LRBA: variants seen among roughly 807,000 people sequenced by gnomAD.
The protein encoded by LRBA is lipopolysaccharide-responsive and beige-like anchor protein.
Under a neutral mutation model 330.0 loss-of-function variants are expected in LRBA, and 176 were observed. The ratio of observed to expected loss-of-function variants is 0.53; its 90% CI spans 0.47 to 0.60. The LOEUF is 0.60. Ranked by LOEUF, LRBA falls within the 20% of genes least tolerant of loss-of-function variation. LRBA has a pLI of 0.00. For missense variants in LRBA, 3,259 were observed against 3,444.8 expected (o/e 0.95, Z 1.35); for synonymous variants, 1,230 against 1,193.0 (o/e 1.03, Z -0.64).
intron 48 of LRBA, among the ~76,000 whole-genome samples, chr4:150,344,441 T>C (rs1736002827): frequency 6.6e-6 from 1 of 152,246 alleles, no homozygotes; most frequent in African/African-American, 2.4e-5. Context: ...CTTAGAAAAA[T>C]CCAGTCAGTA....
chr4:150,393,276 A>G (rs1048313720), intron 47 of LRBA, among the ~76,000 whole-genome samples: 2 of 151,938 alleles, frequency 1.3e-5, no homozygotes, highest in Non-Finnish European at 2.9e-5. Flanking sequence ...GCCCCAATAC[A>G]TATTTGCTGA....
In LRBA at chr4:150,831,739, A is replaced by G. The variant is rs549584091; in HGVS notation, c.4729+78T>C. The G allele has an allele frequency of 7.3e-5, 82 of 1,117,680 alleles. 1 individual carries two copies. In the South Asian group the frequency reaches 1.4e-3, roughly 19 times the overall value. 69.2% of individuals were successfully genotyped at this position (1,117,680 alleles called of 1,614,324 possible). ...TGCACAGAAATGGATTTAAATTCCA[A>G]TATCAATATTTTAACCATCAAAAGT... On this transcript the variant is annotated intron_variant, in intron 29 of 56. Coordinates refer to ENST00000651943, the MANE Select transcript of LRBA (RefSeq NM_001364905.1).
Position 150,414,653 on chromosome 4 carries a change from G to T in LRBA, c.7194+785C>A, listed in dbSNP as rs942338405. On this transcript the variant is annotated intron_variant, in intron 47 of 56. Transcript: ENST00000651943. ...TTACAGGCGCCTGCCACCACATCCG[G>T]CTAATTTTTGTATTTTTAATAGCAG... Among the ~76,000 whole-genome samples, 11 of 152,002 alleles carry T rather than the reference G, an allele frequency of 7.2e-5. No individual in the cohort carries two copies. The East Asian group carries it at 1.9e-3, about 27-fold the overall frequency.
At chr4:150,740,101 G>A (rs1033456249) in intron 35 of LRBA, among the ~76,000 whole-genome samples, 3 of 151,892 alleles carry the variant, frequency 2.0e-5, no homozygotes, top group Non-Finnish European at 4.4e-5. Flanking sequence ...TGAAAAAAAC[G>A]CACACATAAA....
chr4:151,001,563 C>A (rs1444654800), intron 2 of LRBA, among the ~76,000 whole-genome samples: 5 of 152,126 alleles, frequency 3.3e-5, no homozygotes, highest in African/African-American at 1.2e-4. Flanking sequence ...GCCGCTACCA[C>A]CACAGCTGGC....
chr4:150,438,782 T>C (rs1487592690), intron 44 of LRBA, among the ~76,000 whole-genome samples: 1 of 151,188 alleles, frequency 6.6e-6, no homozygotes, highest in Non-Finnish European at 1.5e-5. Flanking sequence ...TGGTTATCCT[T>C]ATTAAATTGT....
At chr4:150,917,016 G>A (rs944448081) in intron 5 of LRBA, among the ~76,000 whole-genome samples, 4 of 152,004 alleles carry the variant, frequency 2.6e-5, no homozygotes, top group Non-Finnish European at 4.4e-5. Flanking sequence ...AGCCGGGTAC[G>A]GTGGTGGGTG....
chr4:150,889,740 A>G (rs945890254), intron 17 of LRBA, among the ~76,000 whole-genome samples: 1 of 152,098 alleles, frequency 6.6e-6, no homozygotes, highest in African/African-American at 2.4e-5. Context: ...AAGGCTGGGG[A>G]CCTCTGTTTT....
intron 36 of LRBA, among the ~76,000 whole-genome samples, chr4:150,734,811 C>T (rs972668869): frequency 2.0e-5 from 3 of 152,162 alleles, no homozygotes; most frequent in Non-Finnish European, 1.5e-5. Context: ...AATACTGTTA[C>T]GCTCTCAAAC....
At chr4:150,369,544 A>C (rs528511494) in intron 47 of LRBA, among the ~76,000 whole-genome samples, 75 of 151,918 alleles carry the variant, frequency 4.9e-4, no homozygotes, top group African/African-American at 1.8e-3. Context: ...AAAAAAATAT[A>C]CTTTTTTTTT....
rs538715661 is a variant in LRBA at position 150,955,618 on chromosome 4, G to A, written c.217-26553C>T. ...ATAATAATAATGACGTAGGCCGGGC[G>A]CCGTGGCTCACACCTGTAATCCCAG... On this transcript the variant is annotated intron_variant, in intron 2 of 56. Coordinates refer to ENST00000651943, the MANE Select transcript of LRBA (RefSeq NM_001364905.1). 5.4e-5 allele frequency among the ~76,000 whole-genome samples: 8 copies of A among 147,516 alleles called. No homozygotes were observed. The South Asian group carries it at 6.3e-4, about 12-fold the overall frequency.
At chr4:150,930,675 T>C (rs1304935622) in intron 2 of LRBA, among the ~76,000 whole-genome samples, 2 of 152,128 alleles carry the variant, frequency 1.3e-5, no homozygotes, top group Non-Finnish European at 2.9e-5. Context: ...GGCATGAGAC[T>C]GAAAAAAATG....
rs200816204 is a variant in LRBA, at chr4:150,315,645, G to T, written c.7631-22C>A. 4.9e-4 allele frequency: 744 copies of T among 1,510,772 alleles called. 1 individual carries two copies. The highest frequency in any genetic ancestry group is 6.1e-4 in the Non-Finnish European group (680 of 1,119,324). 93.6% of individuals were successfully genotyped at this position (1,510,772 alleles called of 1,614,324 possible). A position where few individuals can be genotyped will look rare whatever the true frequency, so the allele number is the denominator to read the frequency against. The stretch of plus-strand genomic sequence containing the variant: ...TGAGCTGGAATTCACAAAAGATAAA[G>T]AAAAAAGGCATTATTTTTTATATAC... On this transcript the variant is annotated intron_variant, in intron 50 of 56. Coordinates refer to ENST00000651943, the MANE Select transcript of LRBA (RefSeq NM_001364905.1).
chr4:150,652,260 C>G (rs1474854913), intron 37 of LRBA, among the ~76,000 whole-genome samples: 1 of 152,158 alleles, frequency 6.6e-6, no homozygotes, highest in Admixed American at 6.5e-5. Flanking sequence ...TCCCCCACCT[C>G]TTAACAGCTA....
At chr4:150,399,797 C>A (rs1013533768) in intron 47 of LRBA, among the ~76,000 whole-genome samples, 3 of 152,108 alleles carry the variant, frequency 2.0e-5, no homozygotes, top group Admixed American at 6.6e-5. Context: ...TATGGTGAAA[C>A]CCCGTCTCTA....
At chr4:151,013,406 G>A (rs1261153008) in intron 2 of LRBA, 1 of 152,188 alleles carries the variant, frequency 6.6e-6, no homozygotes, top group East Asian at 1.9e-4. Flanking sequence ...AATGGCGCAT[G>A]CCAGTAGTTC....
intron 37 of LRBA, among the ~76,000 whole-genome samples, chr4:150,647,352 CTTTTTT>C (rs769403201): frequency 2.5e-5 from 2 of 79,798 alleles, no homozygotes; most frequent in Non-Finnish European, 4.4e-5. Flanking sequence ...ATTACTTTTT[CTTTTTT>C]TTTTTTTTTT....
At chr4:150,973,280 G>C (rs1183503157) in intron 2 of LRBA, among the ~76,000 whole-genome samples, 3 of 152,082 alleles carry the variant, frequency 2.0e-5, no homozygotes, top group East Asian at 3.9e-4. Context: ...CAATTCTCCT[G>C]CCTCCGCCTC....
chr4:150,359,836 T>C lies in LRBA; in HGVS notation c.7195-9677A>G, dbSNP rs865793364. Among the ~76,000 whole-genome samples the C allele has an allele frequency of 1.5e-4, 23 of 151,780 alleles. No individual in the cohort carries two copies. In the East Asian group the frequency reaches 4.1e-3, roughly 27 times the overall value. On this transcript the variant is annotated intron_variant, in intron 47 of 56. Coordinates refer to ENST00000651943, the MANE Select transcript of LRBA (RefSeq NM_001364905.1). ...TCTACTAAAAATACAAAAAATTAGC[T>C]GGGCGTGGTGGCGCGCATCTGTAAT...
Sources: gnomAD v4.1 joint callset for allele counts (sites outside exome capture counted in the v4.1 genomes callset) on GRCh38, gnomAD v4.1.1 for gene constraint, MANE v1.5 for transcripts, NCBI Gene and HGNC (gene_info 2026-07-23, HGNC 2026-07-21) for gene names.